Variants in NLRP2B observed in about 807,000 individuals in gnomAD.
NLRP2B encodes NLR family pyrin domain-containing protein 2B.
For missense variants in NLRP2B, 25 were observed against 6.8 expected (o/e 3.70, Z -3.00); for synonymous variants, 16 against 3.5 (o/e 4.63, Z -4.03).
chrX:57,678,782 A>G lies in NLRP2B; in HGVS notation c.*1341T>C. 2 of 392,975 alleles carry G rather than the reference A, an allele frequency of 5.1e-6. No individual in the cohort carries two copies. The highest frequency in any genetic ancestry group is 6.2e-5 in the South Asian group (2 of 32,365). The allele number at this position is 392,975 out of a possible 1,213,427, so 32.4% of individuals were successfully genotyped here. A position where few individuals can be genotyped will look rare whatever the true frequency, so the allele number is the denominator to read the frequency against. On this transcript the variant is annotated 3_prime_UTR_variant, in exon 1 of 1. Transcript: ENST00000434992. ...AAGCTGAGGTGGATGTAGGAATAGCAGCCTTTAGAGACTATGTCCTGGCGG... is the reference window on the plus strand; with the variant it reads ...AAGCTGAGGTGGATGTAGGAATAGCGGCCTTTAGAGACTATGTCCTGGCGG...
Position 57,679,484 on chromosome X carries a change from G to A in NLRP2B, c.*639C>T. ...AATTCAGGCCAGTTCCTGAAGACCA[G>A]CTCTGCAAAACTGCACGGGCCCAGG... On this transcript the variant is annotated 3_prime_UTR_variant, in exon 1 of 1. Coordinates refer to ENST00000434992, the MANE Select transcript of NLRP2B (RefSeq NM_001319967.1). 1 of 958,537 alleles carries A rather than the reference G, an allele frequency of 1.0e-6. No homozygotes were observed. Among genetic ancestry groups the A allele is most frequent in the South Asian group, 2.0e-5 (1 of 51,056 alleles). The allele number at this position is 958,537 out of a possible 1,213,427, so 79.0% of individuals were successfully genotyped here. A position where few individuals can be genotyped will look rare whatever the true frequency, so the allele number is the denominator to read the frequency against.
Position 57,677,796 on chromosome X carries a change from C to T in NLRP2B, c.*2327G>A. On this transcript the variant is annotated 3_prime_UTR_variant, in exon 1 of 1. Transcript: ENST00000434992. ...GCAACTTGGCACCCTCATCCAAGAG[C>T]TCATTGTGAGAGAGGTTTACACATG... 2.2e-6 allele frequency: 1 copy of T among 445,235 alleles called. No homozygotes were observed. Among genetic ancestry groups the T allele is most frequent in the Non-Finnish European group, 4.3e-6 (1 of 233,059 alleles). 36.7% of individuals were successfully genotyped at this position (445,235 alleles called of 1,213,427 possible). A position where few individuals can be genotyped will look rare whatever the true frequency, so the allele number is the denominator to read the frequency against.
chrX:57,677,891 C>T lies in NLRP2B; in HGVS notation c.*2232G>A, dbSNP rs1320482838. ...TGCTAAGTGGTGGTGGAAAAAGACA[C>T]CAACCCGAGATATTGCAGGTTACAT... On this transcript the variant is annotated 3_prime_UTR_variant, in exon 1 of 1. Transcript: ENST00000434992. 5 of 426,445 alleles carry T rather than the reference C, an allele frequency of 1.2e-5. No individual in the cohort carries two copies. The highest frequency in any genetic ancestry group is 2.2e-5 in the Non-Finnish European group (5 of 228,810). The allele number at this position is 426,445 out of a possible 1,213,427, so 35.1% of individuals were successfully genotyped here.
At position 57,679,011 on chromosome X, in the gene NLRP2B, G is replaced by A. The variant is rs756950110; in HGVS notation, c.*1112C>T. The A allele has an allele frequency of 2.3e-6, 1 of 433,563 alleles. No individual in the cohort carries two copies. Among genetic ancestry groups the A allele is most frequent in the Non-Finnish European group, 4.1e-6 (1 of 246,409 alleles). 35.7% of individuals were successfully genotyped at this position (433,563 alleles called of 1,213,427 possible). On this transcript the variant is annotated 3_prime_UTR_variant, in exon 1 of 1. Transcript: ENST00000434992. ...GGAACAGCCCCGTGCGGGTGGGGCG[G>A]GTCCTTCCCCTTCTAACCTCTGCAG...
rs1405236216 is a variant in NLRP2B at position 57,678,044 on chromosome X, G to C, written c.*2079C>G. 3 of 471,592 alleles carry C rather than the reference G, an allele frequency of 6.4e-6. No individual in the cohort carries two copies. The African/African-American group carries it at 7.2e-5, about 11-fold the overall frequency. The allele number at this position is 471,592 out of a possible 1,213,427, so 38.9% of individuals were successfully genotyped here. On this transcript the variant is annotated 3_prime_UTR_variant, in exon 1 of 1. Coordinates refer to ENST00000434992, the MANE Select transcript of NLRP2B (RefSeq NM_001319967.1). The stretch of plus-strand genomic sequence containing the variant: ...CAGAGGTTCCGATAAGCATCAGCTG[G>C]TGAAATGTTTTTGAACATCACTCTC...
At position 57,678,325 on chromosome X, in the gene NLRP2B, T is replaced by A; in HGVS notation, c.*1798A>T. On this transcript the variant is annotated 3_prime_UTR_variant, in exon 1 of 1. Transcript: ENST00000434992. ...TGGCATTTTCTGCAAGTTTCGACAA[T>A]GCTTGAGGCAGATTGAAAACAGCAT... The A allele has an allele frequency of 3.7e-6, 2 of 541,293 alleles. No homozygotes were observed. The highest frequency in any genetic ancestry group is 4.7e-5 in the South Asian group (2 of 42,755). The allele number at this position is 541,293 out of a possible 1,213,427, so 44.6% of individuals were successfully genotyped here. A position where few individuals can be genotyped will look rare whatever the true frequency, so the allele number is the denominator to read the frequency against.
rs2011710785 is a variant in NLRP2B at position 57,677,166 on chromosome X, C to T, written c.*2957G>A. On this transcript the variant is annotated 3_prime_UTR_variant, in exon 1 of 1. Coordinates refer to ENST00000434992, the MANE Select transcript of NLRP2B (RefSeq NM_001319967.1). ...GTGGGTTGTTTTCTTCTATTTCTTC[C>T]AGCAGCTTATCGAGTTCAACATTAA... 2.9e-6 allele frequency: 1 copy of T among 340,731 alleles called. No homozygotes were observed. The highest frequency in any genetic ancestry group is 5.8e-6 in the Non-Finnish European group (1 of 173,574). The allele number at this position is 340,731 out of a possible 1,213,427, so 28.1% of individuals were successfully genotyped here. A position where few individuals can be genotyped will look rare whatever the true frequency, so the allele number is the denominator to read the frequency against.
Position 57,679,288 on chromosome X carries a change from A to G in NLRP2B, c.*835T>C, listed in dbSNP as rs1045612402. The G allele has an allele frequency of 2.1e-6, 1 of 487,595 alleles. No individual in the cohort carries two copies. Among genetic ancestry groups the G allele is most frequent in the Non-Finnish European group, 3.7e-6 (1 of 273,570 alleles). 40.2% of individuals were successfully genotyped at this position (487,595 alleles called of 1,213,427 possible). On this transcript the variant is annotated 3_prime_UTR_variant, in exon 1 of 1. Transcript: ENST00000434992. Reference sequence around the variant, plus strand: ...GACCAGCACGGCGGCCCTGGGTAAAATCTTCCTCTTCAGTAACCTCCCCAA... The same window carrying G: ...GACCAGCACGGCGGCCCTGGGTAAAGTCTTCCTCTTCAGTAACCTCCCCAA...
rs1602999344 is a variant in NLRP2B, at chrX:57,678,267, A to G, written c.*1856T>C. ...CAGCATCTGATTCAGACACAGTGAC[A>G]TTCTCTGGGAGCTTTGCCTTTGCTG... On this transcript the variant is annotated 3_prime_UTR_variant, in exon 1 of 1. Coordinates refer to ENST00000434992, the MANE Select transcript of NLRP2B (RefSeq NM_001319967.1). 1.9e-6 allele frequency: 1 copy of G among 539,551 alleles called. No individual in the cohort carries two copies. The highest frequency in any genetic ancestry group is 3.4e-6 in the Non-Finnish European group (1 of 293,018). 44.5% of individuals were successfully genotyped at this position (539,551 alleles called of 1,213,427 possible). A position where few individuals can be genotyped will look rare whatever the true frequency, so the allele number is the denominator to read the frequency against.
chrX:57,679,236 T>A lies in NLRP2B; in HGVS notation c.*887A>T, dbSNP rs1250192383. The stretch of plus-strand genomic sequence containing the variant: ...CGGCCGCTCCACCAACAGCCGGAGG[T>A]CTCTCAGGGCCCGCAGGCCACGTGG... On this transcript the variant is annotated 3_prime_UTR_variant, in exon 1 of 1. Transcript: ENST00000434992. 2.2e-6 allele frequency: 1 copy of A among 451,053 alleles called. No homozygotes were observed. Among genetic ancestry groups the A allele is most frequent in the Non-Finnish European group, 4.1e-6 (1 of 246,701 alleles). The allele number at this position is 451,053 out of a possible 1,213,427, so 37.2% of individuals were successfully genotyped here.
In NLRP2B at chrX:57,678,082, G is replaced by T; in HGVS notation, c.*2041C>A. The T allele has an allele frequency of 2.1e-6, 1 of 466,878 alleles. No homozygotes were observed. Among genetic ancestry groups the T allele is most frequent in the Non-Finnish European group, 3.9e-6 (1 of 258,260 alleles). The allele number at this position is 466,878 out of a possible 1,213,427, so 38.5% of individuals were successfully genotyped here. ...GAACATCACTCTCTGGAGACGACAG[G>T]TGTCAGAAGCTATTTGTTCACACAG... is the stretch of plus-strand genomic sequence containing the variant. On this transcript the variant is annotated 3_prime_UTR_variant, in exon 1 of 1. Transcript: ENST00000434992.
In NLRP2B at chrX:57,677,105, C is replaced by CA; in HGVS notation, c.*3017dup. 1 of 271,628 alleles carries CA rather than the reference C, an allele frequency of 3.7e-6. No homozygotes were observed. Among genetic ancestry groups the CA allele is most frequent in the East Asian group, 9.4e-5 (1 of 10,679 alleles). 22.4% of individuals were successfully genotyped at this position (271,628 alleles called of 1,213,427 possible). ...TGAAAAGAAAGCCTTTTTTCCCCCC[C>CA]AAAGGATCATGTTTCTCAGTTATCA... On this transcript the variant is annotated 3_prime_UTR_variant, in exon 1 of 1. Coordinates refer to ENST00000434992, the MANE Select transcript of NLRP2B (RefSeq NM_001319967.1).
In NLRP2B at chrX:57,680,201, C is replaced by T. The variant is rs1010204913; in HGVS notation, c.60G>A (p.Gln20=). The change falls in exon 1 of 1, where the codon CAG becomes CAA. Residue 20 remains glutamine, a synonymous_variant. Transcript: ENST00000434992. The stretch of plus-strand genomic sequence containing the variant: ...GAGACTTGAACTTGCACAAGTCATC[C>T]TGGCTGAGCTGTCCCAGAAGAGCCT... ...NLQALLGQLS[Q]DDLCKFKSLI... 2.6e-6 allele frequency: 1 copy of T among 386,421 alleles called. No individual in the cohort carries two copies. Among genetic ancestry groups the T allele is most frequent in the Non-Finnish European group, 4.6e-6 (1 of 216,596 alleles). 31.8% of individuals were successfully genotyped at this position (386,421 alleles called of 1,213,427 possible). A position where few individuals can be genotyped will look rare whatever the true frequency, so the allele number is the denominator to read the frequency against.
rs2011738678 is a variant in NLRP2B at position 57,678,900 on chromosome X, C to G, written c.*1223G>C. 2.5e-6 allele frequency: 1 copy of G among 397,743 alleles called. No homozygotes were observed. Among genetic ancestry groups the G allele is most frequent in the East Asian group, 5.7e-5 (1 of 17,574 alleles). The allele number at this position is 397,743 out of a possible 1,213,427, so 32.8% of individuals were successfully genotyped here. A position where few individuals can be genotyped will look rare whatever the true frequency, so the allele number is the denominator to read the frequency against. On this transcript the variant is annotated 3_prime_UTR_variant, in exon 1 of 1. Coordinates refer to ENST00000434992, the MANE Select transcript of NLRP2B (RefSeq NM_001319967.1). ...CACGGAACACTGACATCTGCGCCCA[C>G]AGGCCCTGTGCCGCCAGGAGGCTCA...
At position 57,679,071 on chromosome X, in the gene NLRP2B, G is replaced by C. The variant is rs974272597; in HGVS notation, c.*1052C>G. On this transcript the variant is annotated 3_prime_UTR_variant, in exon 1 of 1. Transcript: ENST00000434992. Reference sequence around the variant, plus strand: ...CATGCACATGATCCAGCACACCATGGGTGCCGAGACAGGCTGGAACAGGGC... The same window carrying C: ...CATGCACATGATCCAGCACACCATGCGTGCCGAGACAGGCTGGAACAGGGC... 7.0e-6 allele frequency: 3 copies of C among 428,996 alleles called. No individual in the cohort carries two copies. Among genetic ancestry groups the C allele is most frequent in the Non-Finnish European group, 1.3e-5 (3 of 232,373 alleles). The allele number at this position is 428,996 out of a possible 1,213,427, so 35.4% of individuals were successfully genotyped here. A position where few individuals can be genotyped will look rare whatever the true frequency, so the allele number is the denominator to read the frequency against.
chrX:57,679,147 C>T lies in NLRP2B; in HGVS notation c.*976G>A, dbSNP rs903984064. 4.2e-6 allele frequency: 2 copies of T among 472,958 alleles called. No individual in the cohort carries two copies. Among genetic ancestry groups the T allele is most frequent in the African/African-American group, 4.7e-5 (2 of 42,275 alleles). 39.0% of individuals were successfully genotyped at this position (472,958 alleles called of 1,213,427 possible). A position where few individuals can be genotyped will look rare whatever the true frequency, so the allele number is the denominator to read the frequency against. On this transcript the variant is annotated 3_prime_UTR_variant, in exon 1 of 1. Coordinates refer to ENST00000434992, the MANE Select transcript of NLRP2B (RefSeq NM_001319967.1). ...GCACACATGGCTTGGTCCTCGTCTC[C>T]AAAGTGTCTCAGGAAATATGCCCTC...
rs1321994247 is a variant in NLRP2B at position 57,679,880 on chromosome X, C to T, written c.*243G>A. 7.0e-6 allele frequency: 2 copies of T among 287,339 alleles called. No individual in the cohort carries two copies. The highest frequency in any genetic ancestry group is 1.7e-4 in the South Asian group (1 of 5,909). The allele number at this position is 287,339 out of a possible 1,213,427, so 23.7% of individuals were successfully genotyped here. On this transcript the variant is annotated 3_prime_UTR_variant, in exon 1 of 1. Transcript: ENST00000434992. ...TCCTCCGTTTCTATAAACTCTAGTG[C>T]TTCTGCTTCGAAACGCCCCAGCATT...
chrX:57,678,541 C>G lies in NLRP2B; in HGVS notation c.*1582G>C. 1 of 509,976 alleles carries G rather than the reference C, an allele frequency of 2.0e-6. No individual in the cohort carries two copies. The highest frequency in any genetic ancestry group is 3.6e-6 in the Non-Finnish European group (1 of 274,658). The allele number at this position is 509,976 out of a possible 1,213,427, so 42.0% of individuals were successfully genotyped here. ...CTTTTTGATCTCCGGTGACATCAGG[C>G]AGCCCAAAGTGGTCTCCAACTCCTT... On this transcript the variant is annotated 3_prime_UTR_variant, in exon 1 of 1. Coordinates refer to ENST00000434992, the MANE Select transcript of NLRP2B (RefSeq NM_001319967.1).
Position 57,679,473 on chromosome X carries a change from C to T in NLRP2B, c.*650G>A. On this transcript the variant is annotated 3_prime_UTR_variant, in exon 1 of 1. Transcript: ENST00000434992. ...TGTCATCCTGCAATTCAGGCCAGTTCCTGAAGACCAGCTCTGCAAAACTGC... is the reference window on the plus strand; with the variant it reads ...TGTCATCCTGCAATTCAGGCCAGTTTCTGAAGACCAGCTCTGCAAAACTGC... The T allele has an allele frequency of 3.1e-6, 3 of 977,911 alleles. No homozygotes were observed. The highest frequency in any genetic ancestry group is 4.4e-5 in the Admixed American group (2 of 45,329). 80.6% of individuals were successfully genotyped at this position (977,911 alleles called of 1,213,427 possible). A position where few individuals can be genotyped will look rare whatever the true frequency, so the allele number is the denominator to read the frequency against.
Sources: gnomAD v4.1 joint callset for allele counts on GRCh38, gnomAD v4.1.1 for gene constraint, MANE v1.5 for transcripts, NCBI Gene and HGNC (gene_info 2026-07-23, HGNC 2026-07-21) for gene names.